Variants in ADK observed in about 807,000 individuals in gnomAD.
The protein encoded by ADK is N6,N6-dimethyladenosine kinase.
ADK carries 24 observed loss-of-function variants against 44.7 expected under a neutral mutation model. That is an observed-to-expected ratio of 0.54 (90% CI 0.39 to 0.76). ADK has a LOEUF of 0.76. Ranked by LOEUF, ADK falls within the 30% of genes least tolerant of loss-of-function variation. The pLI is 0.00. For missense variants in ADK, 321 were observed against 425.1 expected (o/e 0.76, Z 2.15); for synonymous variants, 128 against 142.6 (o/e 0.90, Z 0.73).
At chr10:74,624,922 C>A (rs1214029215) in intron 9 of ADK, among the ~76,000 whole-genome samples, 1 of 151,632 alleles carries the variant, frequency 6.6e-6, no homozygotes, top group Non-Finnish European at 1.5e-5. Context: ...AAGTATATGC[C>A]AGGTAATATA....
intron 9 of ADK, among the ~76,000 whole-genome samples, chr10:74,666,635 C>T (rs1408638425): frequency 6.6e-6 from 1 of 152,048 alleles, no homozygotes; most frequent in African/African-American, 2.4e-5. Flanking sequence ...ACAGCTACTC[C>T]AGGCCCATTT....
At chr10:74,196,045 C>G (rs1419946971) in intron 1 of ADK, among the ~76,000 whole-genome samples, 1 of 151,888 alleles carries the variant, frequency 6.6e-6, no homozygotes, top group East Asian at 1.9e-4. Flanking sequence ...CTCAAACCAT[C>G]TACATGCCTC....
chr10:74,255,048 A>G (rs1259520703), intron 3 of ADK, among the ~76,000 whole-genome samples: 1 of 152,200 alleles, frequency 6.6e-6, no homozygotes, highest in African/African-American at 2.4e-5. Context: ...TTGTCATGTA[A>G]CAAAAGACCA....
intron 2 of ADK, among the ~76,000 whole-genome samples, chr10:74,216,925 C>T (rs188179788): frequency 1.3e-5 from 2 of 152,282 alleles, no homozygotes; most frequent in East Asian, 3.9e-4. Flanking sequence ...CGGTCTACAG[C>T]TCCCAGCGTG....
chr10:74,360,934 G>A (rs1355863645), intron 4 of ADK, among the ~76,000 whole-genome samples: 1 of 152,124 alleles, frequency 6.6e-6, no homozygotes, highest in East Asian at 1.9e-4. Flanking sequence ...TTGAGATGGA[G>A]CCTCACTCTG....
chr10:74,358,533 G>A (rs887631543), intron 4 of ADK, among the ~76,000 whole-genome samples: 1 of 152,068 alleles, frequency 6.6e-6, no homozygotes, highest in Non-Finnish European at 1.5e-5. Context: ...TTATGCAAAA[G>A]CATATGGATT....
At chr10:74,340,471 A>G (rs1841547433) in intron 4 of ADK, among the ~76,000 whole-genome samples, 1 of 152,186 alleles carries the variant, frequency 6.6e-6, no homozygotes, top group Non-Finnish European at 1.5e-5. Context: ...ACAACTCTGA[A>G]TATTACTATT....
At chr10:74,163,704 ACT>A (rs1841961908) in intron 1 of ADK, among the ~76,000 whole-genome samples, 1 of 152,208 alleles carries the variant, frequency 6.6e-6, no homozygotes, top group South Asian at 2.1e-4. Context: ...AGCAAAAGAA[ACT>A]GTTTCCTTCT....
At chr10:74,595,943 G>A (rs1413431056) in intron 8 of ADK, among the ~76,000 whole-genome samples, 1 of 141,422 alleles carries the variant, frequency 7.1e-6, no homozygotes, top group African/African-American at 2.7e-5. Flanking sequence ...GTTGCAGTGA[G>A]CCAAGATCGC....
chr10:74,475,710 CAGAGAAAGAG>C (rs1433240089), intron 6 of ADK, among the ~76,000 whole-genome samples: 1 of 145,816 alleles, frequency 6.9e-6, no homozygotes, highest in Admixed American at 7.0e-5. Context: ...TGTCTCTAAA[CAGAGAAAGAG>C]AGAGAAAGAG....
At chr10:74,573,853 G>A (rs915173675) in intron 7 of ADK, among the ~76,000 whole-genome samples, 2 of 152,216 alleles carry the variant, frequency 1.3e-5, no homozygotes, top group African/African-American at 2.4e-5. Context: ...TTTTAAGCCT[G>A]TTGGAAAAGC....
At chr10:74,477,204 AT>A (rs2133331311) in intron 6 of ADK, among the ~76,000 whole-genome samples, 1 of 152,070 alleles carries the variant, frequency 6.6e-6, no homozygotes, top group Non-Finnish European at 1.5e-5. Flanking sequence ...AGATTTTTTT[AT>A]TTAAAAAAAG....
Position 74,600,089 on chromosome 10 carries a change from G to A in ADK, c.763-290G>A, listed in dbSNP as rs554979222. ...CTAAAACATTTATAGATGAAATTAT[G>A]TATAGTTCTTGGAGTTTACTTTAGA... On this transcript the variant is annotated intron_variant, in intron 8 of 10. Transcript: ENST00000539909. 9.9e-5 allele frequency among the ~76,000 whole-genome samples: 15 copies of A among 152,236 alleles called. No homozygotes were observed. In the East Asian group the frequency reaches 2.5e-3, roughly 25 times the overall value.
intron 2 of ADK, among the ~76,000 whole-genome samples, chr10:74,208,062 TGTGA>T: frequency 6.6e-6 from 1 of 152,230 alleles, no homozygotes; most frequent in Non-Finnish European, 1.5e-5. Context: ...CCTGCTGGGT[TGTGA>T]CAGTGCCTGG....
intron 4 of ADK, among the ~76,000 whole-genome samples, chr10:74,341,364 C>CA (rs35746333): frequency 0.18 from 26,031 of 141,702 alleles, 2,691 homozygotes; most frequent in African/African-American, 0.28. Context: ...ACTAAAAATA[C>CA]AAAAAAAAAA....
chr10:74,593,331 T>A (rs1851782777), intron 8 of ADK, among the ~76,000 whole-genome samples: 1 of 152,168 alleles, frequency 6.6e-6, no homozygotes, highest in South Asian at 2.1e-4. Context: ...ACTGAGTTCT[T>A]ACTATGTACA....
At chr10:74,672,198 G>A (rs1037114975) in intron 10 of ADK, among the ~76,000 whole-genome samples, 8 of 152,120 alleles carry the variant, frequency 5.3e-5, no homozygotes, top group Admixed American at 2.0e-4. Context: ...ATCCACAGTC[G>A]TCTTTTTTAA....
intron 6 of ADK, among the ~76,000 whole-genome samples, chr10:74,435,040 T>G (rs1224027008): frequency 1.3e-5 from 2 of 152,150 alleles, no homozygotes; most frequent in South Asian, 4.2e-4. Context: ...AGTTTAAGAA[T>G]CACTATGCCA....
chr10:74,453,788 G>A (rs909935241), intron 6 of ADK, among the ~76,000 whole-genome samples: 1 of 151,904 alleles, frequency 6.6e-6, no homozygotes, highest in African/African-American at 2.4e-5. Context: ...AAGGACTAAT[G>A]AAATTTTTGG....
Sources: gnomAD v4.1 joint callset for allele counts (sites outside exome capture counted in the v4.1 genomes callset) on GRCh38, gnomAD v4.1.1 for gene constraint, MANE v1.5 for transcripts, NCBI Gene and HGNC (gene_info 2026-07-23, HGNC 2026-07-21) for gene names.